ZFYVE9: variants seen among roughly 807,000 people sequenced by gnomAD.
ZFYVE9 encodes zinc finger FYVE-type containing 9.
A neutral mutation model predicts 126.7 loss-of-function variants in ZFYVE9; 43 were observed. That is an observed-to-expected ratio of 0.34 (90% CI 0.27 to 0.44). The LOEUF (loss-of-function observed/expected upper bound fraction) is 0.44. ZFYVE9 is among the 20% of genes least tolerant of loss of function. The probability of loss-of-function intolerance (pLI) is 1.00; values close to 1 mark genes in which losing one functional copy is unlikely to be tolerated. For synonymous variants in ZFYVE9, 521 were observed against 597.4 expected, an observed-to-expected ratio of 0.87 and a Z score of 1.87; for missense variants, 1,476 against 1,697.0, an observed-to-expected ratio of 0.87 and a Z score of 2.29.
At chr1:52,263,747 TG>T in intron 4 of ZFYVE9, 25 bp from the exon 5 acceptor site, 1 of 1,141,986 alleles carries the variant, frequency 8.8e-7, no homozygotes, top group Non-Finnish European at 1.2e-6. Context: ...AAATTTTGTG[TG>T]TTCTTCCCCC....
chr1:52,311,635 A>G (rs892594670), intron 13 of ZFYVE9, among the ~76,000 whole-genome samples: 3 of 152,146 alleles, frequency 2.0e-5, no homozygotes, highest in Admixed American at 6.5e-5. Context: ...GGGTATGCTC[A>G]TATTGTGAAG....
Position 52,266,813 on chromosome 1 carries a change from AAGCACCCTGG to A in ZFYVE9, c.2442_2451del (p.His814GlnfsTer30). On this transcript the variant is annotated frameshift_variant, in exon 6 of 19. Coordinates refer to ENST00000287727, the MANE Select transcript of ZFYVE9 (RefSeq NM_004799.4). LOFTEE classifies it high-confidence loss of function. ...TGTGATGGTACCTGTGGGAGTTTTA[AAGCACCCTGG>A]AGCAGAAGGTAGGGGATCATGTGCT... 1 of 1,603,628 alleles carries A rather than the reference AAGCACCCTGG, an allele frequency of 6.2e-7. No homozygotes were observed. Among genetic ancestry groups the A allele is most frequent in the Non-Finnish European group, 8.5e-7 (1 of 1,175,916 alleles).
At chr1:52,171,527 G>A (rs1373459114) in intron 1 of ZFYVE9, among the ~76,000 whole-genome samples, 4 of 152,164 alleles carry the variant, frequency 2.6e-5, no homozygotes, top group Non-Finnish European at 5.9e-5. Context: ...TAATGGGATT[G>A]CTGGGTCAAA....
rs539580723 is a variant in ZFYVE9 at position 52,232,209 on chromosome 1, T to C, written c.-36-962T>C. 3.3e-4 allele frequency among the ~76,000 whole-genome samples: 51 copies of C among 152,240 alleles called. No homozygotes were observed. In the East Asian group the frequency reaches 9.5e-3, roughly 28 times the overall value. ...TATATCAATAAGAAGCCAAGCAGAATTTTCAGTTTGGAAAGAAAAATTTGA... is the reference window on the plus strand; with the variant it reads ...TATATCAATAAGAAGCCAAGCAGAACTTTCAGTTTGGAAAGAAAAATTTGA... On this transcript the variant is annotated intron_variant, in intron 2 of 18. Coordinates refer to ENST00000287727, the MANE Select transcript of ZFYVE9 (RefSeq NM_004799.4).
chr1:52,220,217 G>A (rs1487491511), intron 2 of ZFYVE9, among the ~76,000 whole-genome samples: 6 of 152,224 alleles, frequency 3.9e-5, no homozygotes, highest in African/African-American at 1.4e-4. Context: ...CCTCCCTGAT[G>A]AAGGTGGATG....
chr1:52,151,806 C>T (rs1043229457), intron 1 of ZFYVE9, among the ~76,000 whole-genome samples: 2 of 152,014 alleles, frequency 1.3e-5, no homozygotes, highest in African/African-American at 4.8e-5. Flanking sequence ...CATGAGCCAC[C>T]TCTCTGAGCC....
intron 11 of ZFYVE9, 40 bp downstream of exon 11, chr1:52,293,717 AAAT>A (rs1430632742): frequency 1.3e-6 from 2 of 1,531,150 alleles, no homozygotes; most frequent in Admixed American, 3.4e-5. Flanking sequence ...ATGATGACTA[AAAT>A]AATGCCTGAA....
chr1:52,174,084 A>C (rs1486313130), intron 1 of ZFYVE9, among the ~76,000 whole-genome samples: 1 of 151,502 alleles, frequency 6.6e-6, no homozygotes, highest in Non-Finnish European at 1.5e-5. Context: ...TAGTTCTTTT[A>C]ATTGTGATGT....
intron 1 of ZFYVE9, among the ~76,000 whole-genome samples, chr1:52,184,638 T>C (rs968385137): frequency 2.0e-5 from 3 of 151,574 alleles, no homozygotes; most frequent in African/African-American, 7.3e-5. Context: ...ATCAGATACT[T>C]AATGTGACAA....
chr1:52,284,048 GTC>G lies in ZFYVE9; in HGVS notation c.3025+2233_3025+2234del, dbSNP rs374309880. On this transcript the variant is annotated intron_variant, in intron 10 of 18. Coordinates refer to ENST00000287727, the MANE Select transcript of ZFYVE9 (RefSeq NM_004799.4). Reference sequence around the variant, plus strand: ...GGATATAGGGGGTTAGAGGGGACAAGTCAAGGTTGGCCTCAGATTCCTCGCTT... The same window carrying G: ...GGATATAGGGGGTTAGAGGGGACAAGAAGGTTGGCCTCAGATTCCTCGCTT... Among the ~76,000 whole-genome samples the G allele has an allele frequency of 5.3e-4, 81 of 152,332 alleles. No individual in the cohort carries two copies. In the Middle Eastern group the frequency reaches 0.01, roughly 19 times the overall value.
chr1:52,207,428 T>C (rs532933348), intron 1 of ZFYVE9, among the ~76,000 whole-genome samples: 2 of 152,340 alleles, frequency 1.3e-5, no homozygotes, highest in East Asian at 3.9e-4. Context: ...GGGAATTTGA[T>C]GTTTGTGAAA....
intron 4 of ZFYVE9, among the ~76,000 whole-genome samples, chr1:52,248,299 G>T (rs1053018437): frequency 2.6e-5 from 4 of 152,150 alleles, no homozygotes; most frequent in Admixed American, 2.0e-4. Context: ...GATGTACATG[G>T]GCAGGAGGAG....
intron 2 of ZFYVE9, among the ~76,000 whole-genome samples, chr1:52,226,142 G>A (rs1330643549): frequency 6.6e-6 from 1 of 152,066 alleles, no homozygotes; most frequent in Non-Finnish European, 1.5e-5. Context: ...TTATGCAAAC[G>A]AACTTTCTCC....
intron 17 of ZFYVE9, 34 bp from the exon 18 acceptor site, chr1:52,344,734 A>T (rs768119864): frequency 1.2e-6 from 2 of 1,608,042 alleles, no homozygotes; most frequent in Non-Finnish European, 1.7e-6. Flanking sequence ...AAATCTAGGC[A>T]CAAGTTTAAA....
At position 52,332,752 on chromosome 1, in the gene ZFYVE9, A is replaced by C. The variant is rs868577034; in HGVS notation, c.3439-16A>C. 6.2e-7 allele frequency: 1 copy of C among 1,611,586 alleles called. No homozygotes were observed. The highest frequency in any genetic ancestry group is 8.5e-7 in the Non-Finnish European group (1 of 1,178,848). ...TGCCCATTCTTGTCAGAATAAGGTT[A>C]TCTCTTTGATTGCAGATGATGAAAG... On this transcript the variant is annotated splice_polypyrimidine_tract_variant and intron_variant, in intron 13 of 18. Coordinates refer to ENST00000287727, the MANE Select transcript of ZFYVE9 (RefSeq NM_004799.4).
chr1:52,177,804 T>C (rs970884204), intron 1 of ZFYVE9, among the ~76,000 whole-genome samples: 1 of 152,198 alleles, frequency 6.6e-6, no homozygotes, highest in African/African-American at 2.4e-5. Context: ...GAACAACATA[T>C]GCTATCTAAT....
chr1:52,178,849 AG>A (rs2124536455), intron 1 of ZFYVE9, among the ~76,000 whole-genome samples: 1 of 152,280 alleles, frequency 6.6e-6, no homozygotes, highest in Admixed American at 6.5e-5. Flanking sequence ...TCTGTTACCC[AG>A]GCTGGAGTGC....
intron 18 of ZFYVE9, chr1:52,345,764 T>A (rs549236138): frequency 4.2e-6 from 1 of 237,432 alleles, no homozygotes; most frequent in South Asian, 1.7e-4. Flanking sequence ...AACCAAAGAT[T>A]AAGGTATTAT....
rs1475514933 is a variant in ZFYVE9, at chr1:52,238,668, AGAAAAG to A, written c.1258_1263del (p.Glu420_Lys421del). ...AGATGAATGATAGCCAAGTAAACGA[AGAAAAG>A]GAAAAGTTTCTACAGATTAGTCAGC... On this transcript the variant is annotated inframe_deletion, in exon 4 of 19. Transcript: ENST00000287727. The A allele has an allele frequency of 1.9e-6, 3 of 1,614,000 alleles. No individual in the cohort carries two copies. Among genetic ancestry groups the A allele is most frequent in the African/African-American group, 1.3e-5 (1 of 74,940 alleles).
Sources: allele counts gnomAD v4.1 joint callset (sites outside exome capture counted in the v4.1 genomes callset), GRCh38; gene constraint gnomAD v4.1.1; transcripts MANE v1.5; gene names NCBI Gene and HGNC (gene_info 2026-07-23, HGNC 2026-07-21).